The following ZNF790 variants were observed in gnomAD, a reference collection of about 807,000 sequenced individuals.
ZNF790 encodes zinc finger protein 790.
ZNF790 carries 8 observed loss-of-function variants against 12.1 expected under a neutral mutation model. The observed-to-expected ratio is 0.66, with a 90% CI of 0.39 to 1.19. The LOEUF is 1.19. Among genes scored for constraint, ZNF790 ranks in the 50% most tolerant of loss-of-function variants. The probability of loss-of-function intolerance (pLI) is 0.01; values close to 1 mark genes in which losing one functional copy is unlikely to be tolerated. For synonymous variants in ZNF790, 252 were observed against 244.3 expected (o/e 1.03, Z -0.29); for missense variants, 707 against 752.2 (o/e 0.94, Z 0.70).
At chr19:36,821,972 C>G (rs2071683380) in intron 4 of ZNF790, among the ~76,000 whole-genome samples, 1 of 152,136 alleles carries the variant, frequency 6.6e-6, no homozygotes, top group African/African-American at 2.4e-5. Context: ...TCACTGTGAC[C>G]AGAAACTGTT....
intron 1 of ZNF790, among the ~76,000 whole-genome samples, chr19:36,830,003 T>TGG (rs1441228952): frequency 6.6e-6 from 1 of 152,262 alleles, no homozygotes; most frequent in Non-Finnish European, 1.5e-5. Context: ...GAGATGCTCT[T>TGG]AGCTGTGTTC....
chr19:36,820,235 C>A, intron 4 of ZNF790, 121 bp from the exon 5 acceptor site: 3 of 1,053,524 alleles, frequency 2.8e-6, no homozygotes, highest in South Asian at 4.0e-5. Flanking sequence ...TTAGAAAATT[C>A]TCAAATATGA....
upstream of ZNF790, among the ~76,000 whole-genome samples, chr19:36,839,338 C>T (rs1205451137): frequency 1.3e-5 from 2 of 152,210 alleles, no homozygotes; most frequent in Admixed American, 6.5e-5. Flanking sequence ...TATAACTCCA[C>T]ACAAGTGTTG....
Position 36,823,852 on chromosome 19 carries a change from A to G in ZNF790, c.10-62T>C, listed in dbSNP as rs912162611. ...ATTTTTAAAAATAATTATAATCCCT[A>G]TAGATGAAAGGGGAAAGGCTGGAAA... On this transcript the variant is annotated intron_variant, in intron 2 of 4. Coordinates refer to ENST00000356725, the MANE Select transcript of ZNF790 (RefSeq NM_206894.4). 4.0e-6 allele frequency: 6 copies of G among 1,483,594 alleles called. No homozygotes were observed. In the South Asian group the frequency reaches 5.3e-5, roughly 13 times the overall value. The allele number at this position is 1,483,594 out of a possible 1,614,324, so 91.9% of individuals were successfully genotyped here.
chr19:36,823,877 A>G, intron 2 of ZNF790, 87 bp from the exon 3 acceptor site: 1 of 1,296,776 alleles, frequency 7.7e-7, no homozygotes. Flanking sequence ...AAGGCTGGAA[A>G]GGGGCACTGC....
At chr19:36,835,255 T>C (rs897799379) in intron 1 of ZNF790, among the ~76,000 whole-genome samples, 3 of 152,170 alleles carry the variant, frequency 2.0e-5, no homozygotes, top group Non-Finnish European at 4.4e-5. Flanking sequence ...CACTCCAGCC[T>C]GGGCGACAGA....
chr19:36,830,260 C>T (rs1026423927), intron 1 of ZNF790, among the ~76,000 whole-genome samples: 4 of 152,060 alleles, frequency 2.6e-5, no homozygotes, highest in Non-Finnish European at 5.9e-5. Context: ...GGTATTGGCT[C>T]TGGTCAAATG....
At chr19:36,847,578 C>T (rs992819787) in intron 1 of ZNF790, among the ~76,000 whole-genome samples, 2 of 149,948 alleles carry the variant, frequency 1.3e-5, no homozygotes, top group Admixed American at 6.7e-5. Context: ...GGTGAAACCC[C>T]GTCTCTACTA....
Position 36,817,611 on chromosome 19 carries a change from C to T in ZNF790, c.*822G>A, listed in dbSNP as rs1163948217. On this transcript the variant is annotated 3_prime_UTR_variant, in exon 5 of 5. Transcript: ENST00000356725. ...CATGTAAATCTCAAATCATTCAACC[C>T]TTATAATCTAATGAATACGATTAAA... 2.0e-5 allele frequency: 3 copies of T among 150,950 alleles called. No individual in the cohort carries two copies. Among genetic ancestry groups the T allele is most frequent in the Admixed American group, 6.6e-5 (1 of 15,124 alleles). 9.4% of individuals were successfully genotyped at this position (150,950 alleles called of 1,614,324 possible). A position where few individuals can be genotyped will look rare whatever the true frequency, so the allele number is the denominator to read the frequency against.
chr19:36,846,146 T>A lies in ZNF790; in HGVS notation c.-74+3856A>T, dbSNP rs75042325. 4.6e-3 allele frequency among the ~76,000 whole-genome samples: 694 copies of A among 152,234 alleles called. 8 individuals carry two copies. The highest frequency in any genetic ancestry group is 0.016 in the African/African-American group (647 of 41,550). On this transcript the variant is annotated intron_variant, in intron 1 of 4. Transcript: ENST00000528994. ...TTATCTGGAATATGATATATTTCAT[T>A]TACACATTCATTGTCCACTTCCCCA...
chr19:36,828,614 A>G (rs1463689034), intron 1 of ZNF790, among the ~76,000 whole-genome samples: 1 of 152,130 alleles, frequency 6.6e-6, no homozygotes, highest in Non-Finnish European at 1.5e-5. Flanking sequence ...ATAGGGTGGG[A>G]CTACAGGAAT....
At chr19:36,844,330 A>AC (rs1241259501) in intron 1 of ZNF790, among the ~76,000 whole-genome samples, 2 of 147,900 alleles carry the variant, frequency 1.4e-5, no homozygotes, top group African/African-American at 5.3e-5. Context: ...ACAAAACAAA[A>AC]AACAAAAAAA....
chr19:36,827,623 A>G (rs1415139760), intron 1 of ZNF790: 1 of 152,628 alleles, frequency 6.6e-6, no homozygotes, highest in Non-Finnish European at 1.5e-5. Context: ...TTGAGTTCAA[A>G]TTTAATATTT....
At chr19:36,820,259 A>G (rs1457379202) in intron 4 of ZNF790, 145 bp from the exon 5 acceptor site, 1 of 812,322 alleles carries the variant, frequency 1.2e-6, no homozygotes, top group Non-Finnish European at 1.8e-6. Context: ...ATATGAAAAA[A>G]AGGGCAAGAA....
chr19:36,828,250 G>C (rs912335479), intron 1 of ZNF790: 3 of 152,132 alleles, frequency 2.0e-5, no homozygotes, highest in African/African-American at 7.2e-5. Context: ...GATCACCTGA[G>C]GTCGGGAGTT....
At chr19:36,825,023 C>T (rs2071766629) in intron 2 of ZNF790, among the ~76,000 whole-genome samples, 1 of 152,022 alleles carries the variant, frequency 6.6e-6, no homozygotes, top group Admixed American at 6.6e-5. Flanking sequence ...CTGTGAAAGT[C>T]ATCAGATGAG....
Position 36,819,993 on chromosome 19 carries a change from AAAACAT to A in ZNF790, c.345_350del (p.Leu115_Cys116del). The A allele has an allele frequency of 1.9e-6, 3 of 1,614,112 alleles. No homozygotes were observed. Among genetic ancestry groups the A allele is most frequent in the Non-Finnish European group, 2.5e-6 (3 of 1,180,030 alleles). On this transcript the variant is annotated inframe_deletion, in exon 5 of 5. Transcript: ENST00000356725. Reference sequence around the variant, plus strand: ...GAGTGTTGCCTTCCCAGTCACCTCTAAAACATAAACAGTCAAGGCTGTGGTTTTTAC... The same window carrying A: ...GAGTGTTGCCTTCCCAGTCACCTCTAAAACAGTCAAGGCTGTGGTTTTTAC...
chr19:36,818,720 A>G lies in ZNF790; in HGVS notation c.1624T>C (p.Ser542Pro), dbSNP rs867483733. ...GTAAGCTGTGAACCCCAGATAAAAG[A>G]TTTCCCACATTCTTTACATACGTAA... Reference protein sequence around the residue: ...EPYVCKECGKSFIWGSQLTRH... With the variant: ...EPYVCKECGKPFIWGSQLTRH... Residue 542 changes from serine to proline, a missense_variant, in exon 5 of 5, where the codon TCT becomes CCT. Coordinates refer to ENST00000356725, the MANE Select transcript of ZNF790 (RefSeq NM_206894.4). 1.2e-6 allele frequency: 2 copies of G among 1,613,398 alleles called. No individual in the cohort carries two copies. Among genetic ancestry groups the G allele is most frequent in the Non-Finnish European group, 8.5e-7 (1 of 1,179,802 alleles).
At position 36,819,192 on chromosome 19, in the gene ZNF790, A is replaced by G; in HGVS notation, c.1152T>C (p.His384=). ...AFIRGSNLAQ[H]QNVHVGRKPY... ...GTTTCCTACCAACATGAACATTCTG[A>G]TGTTGAGCAAGATTTGAACCACGAA... Residue 384 remains histidine, a synonymous_variant, in exon 5 of 5, where the codon CAT becomes CAC. Transcript: ENST00000356725. 2 of 1,614,032 alleles carry G rather than the reference A, an allele frequency of 1.2e-6. No individual in the cohort carries two copies. The highest frequency in any genetic ancestry group is 1.7e-6 in the Non-Finnish European group (2 of 1,180,024).
Sources: gnomAD v4.1 joint callset for allele counts (sites outside exome capture counted in the v4.1 genomes callset) on GRCh38, gnomAD v4.1.1 for gene constraint, MANE v1.5 for transcripts, NCBI Gene and HGNC (gene_info 2026-07-23, HGNC 2026-07-21) for gene names.